The following RBFOX1 variants were observed in gnomAD, a reference collection of about 807,000 sequenced individuals.
RBFOX1 encodes the protein RNA binding fox-1 homolog 1, also known as RNA binding protein fox-1 homolog 1.
A neutral mutation model predicts 57.7 loss-of-function variants in RBFOX1; 8 were observed. The ratio of observed to expected loss-of-function variants is 0.14; its 90% confidence interval spans 0.08 to 0.25. RBFOX1 has a LOEUF of 0.25. Among genes scored for constraint, RBFOX1 ranks in the 10% least tolerant of loss-of-function variants. The pLI, the probability that RBFOX1 is intolerant of heterozygous loss-of-function variation, is 1.00. For missense variants in RBFOX1, 611 were observed against 548.5 expected, an observed-to-expected ratio of 1.11 and a Z score of -1.14; for synonymous variants, 326 against 222.4, an observed-to-expected ratio of 1.47 and a Z score of -4.15.
chr16:7,563,709 C>G (rs950881668), intron 5 of RBFOX1, among the ~76,000 whole-genome samples: 2 of 152,104 alleles, frequency 1.3e-5, no homozygotes, highest in African/African-American at 4.8e-5. Context: ...ACCTCGTGAT[C>G]CACCCACCTC....
chr16:6,927,287 C>T (rs1023964535), intron 3 of RBFOX1, among the ~76,000 whole-genome samples: 32 of 151,468 alleles, frequency 2.1e-4, no homozygotes, highest in Admixed American at 1.6e-3. Context: ...GTGACACACA[C>T]CTGTAGTATC....
chr16:6,518,783 C>T (rs1270870497), intron 2 of RBFOX1, among the ~76,000 whole-genome samples: 1 of 78,210 alleles, frequency 1.3e-5, no homozygotes. Context: ...ATCTGTCTGT[C>T]TGTCTGTGTG....
At chr16:7,169,376 G>C (rs1020659354) in intron 4 of RBFOX1, among the ~76,000 whole-genome samples, 1 of 152,200 alleles carries the variant, frequency 6.6e-6, no homozygotes, top group African/African-American at 2.4e-5. Context: ...ATAATTACTT[G>C]TTATGGGCCA....
intron 1 of RBFOX1, among the ~76,000 whole-genome samples, chr16:6,244,553 G>C (rs1483747130): frequency 6.6e-6 from 1 of 152,156 alleles, no homozygotes; most frequent in Non-Finnish European, 1.5e-5. Flanking sequence ...GCCCAGGCTG[G>C]AGTGCAGTGG....
chr16:6,883,602 A>G (rs561409385), intron 3 of RBFOX1, among the ~76,000 whole-genome samples: 1 of 152,168 alleles, frequency 6.6e-6, no homozygotes, highest in Non-Finnish European at 1.5e-5. Context: ...TAACACCCTC[A>G]AGCTGTTCTA....
intron 1 of RBFOX1, among the ~76,000 whole-genome samples, chr16:5,309,578 G>C (rs972673350): frequency 1.3e-5 from 2 of 152,138 alleles, no homozygotes. Context: ...TTGCATAGCG[G>C]TGAAGTGTGG....
rs529687517 is a variant in RBFOX1, at chr16:5,345,977, C to G, written c.219+105872C>G. ...AATCTACCAGGGAAACTTGCTTCCCCCATGCTCATGGAATAACATGGTGTG... is the reference window on the plus strand; with the variant it reads ...AATCTACCAGGGAAACTTGCTTCCCGCATGCTCATGGAATAACATGGTGTG... On this transcript the variant is annotated intron_variant, in intron 1 of 2. Coordinates refer to the RBFOX1 transcript ENST00000585867. Among the ~76,000 whole-genome samples the G allele has an allele frequency of 2.0e-5, 3 of 152,266 alleles. No homozygotes were observed. The South Asian group carries it at 6.2e-4, about 32-fold the overall frequency.
intron 3 of RBFOX1, among the ~76,000 whole-genome samples, chr16:6,980,674 A>G (rs2088523509): frequency 6.6e-6 from 1 of 152,186 alleles, no homozygotes; most frequent in Non-Finnish European, 1.5e-5. Context: ...ATACAGCTAA[A>G]TTTCTGACTC....
At chr16:6,650,227 A>C (rs539747729) in intron 2 of RBFOX1, among the ~76,000 whole-genome samples, 12 of 152,290 alleles carry the variant, frequency 7.9e-5, no homozygotes, top group South Asian at 4.1e-4. Context: ...TTTGAGAAGC[A>C]CATGTACCTT....
At chr16:6,888,886 A>T (rs2064772159) in intron 3 of RBFOX1, among the ~76,000 whole-genome samples, 1 of 152,162 alleles carries the variant, frequency 6.6e-6, no homozygotes, top group African/African-American at 2.4e-5. Flanking sequence ...CCCAAAAAAG[A>T]ATTATTTTAG....
At chr16:6,145,693 A>G (rs1182131523) in intron 1 of RBFOX1, among the ~76,000 whole-genome samples, 1 of 152,064 alleles carries the variant, frequency 6.6e-6, no homozygotes, top group East Asian at 1.9e-4. Context: ...TACCTGTAGT[A>G]TTTTCAATGT....
At chr16:5,240,380 C>A (rs1355661134) in intron 1 of RBFOX1, among the ~76,000 whole-genome samples, 2 of 152,140 alleles carry the variant, frequency 1.3e-5, no homozygotes, top group Non-Finnish European at 2.9e-5. Flanking sequence ...GAGGGGGAGC[C>A]CCGCGTCCTG....
At chr16:6,776,401 A>G (rs1185899384) in intron 3 of RBFOX1, among the ~76,000 whole-genome samples, 1 of 150,804 alleles carries the variant, frequency 6.6e-6, no homozygotes, top group Non-Finnish European at 1.5e-5. Context: ...ACAGAGTGAG[A>G]CTCCACCTCG....
At chr16:6,110,280 G>A (rs932752004) in intron 1 of RBFOX1, among the ~76,000 whole-genome samples, 3 of 148,848 alleles carry the variant, frequency 2.0e-5, no homozygotes, top group Non-Finnish European at 3.0e-5. Context: ...CTTCTTTGCA[G>A]CATCATCACA....
chr16:6,076,217 T>C (rs1457173432), intron 1 of RBFOX1, among the ~76,000 whole-genome samples: 1 of 151,840 alleles, frequency 6.6e-6, no homozygotes, highest in Non-Finnish European at 1.5e-5. Flanking sequence ...GAGAATTGCT[T>C]GAACCCGGGA....
At chr16:6,317,394 C>G (rs2081244607) in intron 2 of RBFOX1, among the ~76,000 whole-genome samples, 1 of 151,916 alleles carries the variant, frequency 6.6e-6, no homozygotes, top group Admixed American at 6.6e-5. Context: ...CATTCTGTCC[C>G]CCTTCTGAGT....
intron 4 of RBFOX1, among the ~76,000 whole-genome samples, chr16:7,475,585 T>G (rs2062497418): frequency 6.6e-6 from 1 of 152,136 alleles, no homozygotes; most frequent in Non-Finnish European, 1.5e-5. Context: ...AGTGCTGGGA[T>G]TACAGGTGTG....
chr16:6,381,868 C>T (rs774964098), intron 2 of RBFOX1, among the ~76,000 whole-genome samples: 1 of 152,182 alleles, frequency 6.6e-6, no homozygotes, highest in South Asian at 2.1e-4. Context: ...TTATAGGGCA[C>T]GGGTTTAATA....
Position 7,678,553 on chromosome 16 carries a change from T to C in RBFOX1, c.995+1715T>C, listed in dbSNP as rs141162782. Among the ~76,000 whole-genome samples the C allele has an allele frequency of 4.2e-3, 639 of 152,230 alleles. 7 individuals are homozygous for C. Among genetic ancestry groups the C allele is most frequent in the African/African-American group, 0.015 (614 of 41,542 alleles). On this transcript the variant is annotated intron_variant, in intron 14 of 15. Coordinates refer to ENST00000550418, the MANE Select transcript of RBFOX1 (RefSeq NM_018723.4). ...ATCATAGTAACTCTAGCCTGCTGTA[T>C]AATTATAAGAATCTTAAACAGATTT...
Sources: gnomAD v4.1 joint callset for allele counts (sites outside exome capture counted in the v4.1 genomes callset) on GRCh38, gnomAD v4.1.1 for gene constraint, MANE v1.5 for transcripts, NCBI Gene and HGNC (gene_info 2026-07-23, HGNC 2026-07-21) for gene names.